ROBO2: variants seen among roughly 807,000 people sequenced by gnomAD.
ROBO2 encodes roundabout guidance receptor 2.
ROBO2 carries 53 observed loss-of-function variants against 160.8 expected under a neutral mutation model. The ratio of observed to expected loss-of-function variants is 0.33; its 90% CI spans 0.26 to 0.41. ROBO2 has a LOEUF of 0.41. ROBO2 is among the 10% of genes least tolerant of loss of function. The probability of loss-of-function intolerance (pLI) is 1.00; values close to 1 mark genes in which losing one functional copy is unlikely to be tolerated. For synonymous variants in ROBO2, 664 were observed against 611.7 expected (o/e 1.09, Z -1.26); for missense variants, 1,577 against 1,722.4 (o/e 0.92, Z 1.49).
intron 2 of ROBO2, among the ~76,000 whole-genome samples, chr3:76,829,552 C>A (rs1377804796): frequency 1.3e-5 from 2 of 151,804 alleles, no homozygotes; most frequent in African/African-American, 4.9e-5. Context: ...CCTTCCTTAT[C>A]TAATTCCATT....
At chr3:77,621,185 G>A (rs1346372902) in intron 22 of ROBO2, among the ~76,000 whole-genome samples, 1 of 152,110 alleles carries the variant, frequency 6.6e-6, no homozygotes, top group African/African-American at 2.4e-5. Context: ...CAGCACTTTG[G>A]GTTGCTGAGG....
intron 6 of ROBO2, among the ~76,000 whole-genome samples, chr3:77,539,788 G>A (rs2092370918): frequency 6.6e-6 from 1 of 152,174 alleles, no homozygotes; most frequent in Non-Finnish European, 1.5e-5. Flanking sequence ...GGGAAAAATA[G>A]AGAAGGCAAT....
chr3:76,688,722 A>T (rs1447771433), intron 2 of ROBO2, among the ~76,000 whole-genome samples: 2 of 151,884 alleles, frequency 1.3e-5, no homozygotes, highest in Non-Finnish European at 2.9e-5. Context: ...CCTGTGAATG[A>T]GCTGTTTCAC....
chr3:77,399,067 A>AAAAG (rs1465793719), intron 2 of ROBO2, among the ~76,000 whole-genome samples: 19 of 152,274 alleles, frequency 1.2e-4, no homozygotes, highest in African/African-American at 4.1e-4. Flanking sequence ...AATTCCTTTG[A>AAAAG]AAAGATAAAT....
intron 2 of ROBO2, among the ~76,000 whole-genome samples, chr3:76,554,477 C>A (rs192634658): frequency 6.6e-6 from 1 of 152,282 alleles, no homozygotes; most frequent in East Asian, 1.9e-4. Flanking sequence ...TATTTCCTAA[C>A]ATATGCTTTT....
intron 2 of ROBO2, among the ~76,000 whole-genome samples, chr3:76,097,637 G>A (rs2069508400): frequency 6.6e-6 from 1 of 152,086 alleles, no homozygotes; most frequent in Admixed American, 6.5e-5. Context: ...AAAATTAACA[G>A]GGTAATCAGG....
chr3:76,922,858 T>C (rs1276157314), intron 2 of ROBO2, among the ~76,000 whole-genome samples: 2 of 152,330 alleles, frequency 1.3e-5, no homozygotes, highest in Non-Finnish European at 2.9e-5. Context: ...TATTGTTCAA[T>C]ACTGTGTATA....
At chr3:76,880,501 G>A (rs2073225856) in intron 2 of ROBO2, among the ~76,000 whole-genome samples, 1 of 152,116 alleles carries the variant, frequency 6.6e-6, no homozygotes, top group Non-Finnish European at 1.5e-5. Context: ...GAAGACCAAA[G>A]TGGTTTCAAA....
chr3:76,553,018 T>C (rs1199766061), intron 2 of ROBO2, among the ~76,000 whole-genome samples: 5 of 152,120 alleles, frequency 3.3e-5, no homozygotes, highest in Non-Finnish European at 2.9e-5. Context: ...GGTGAATGGA[T>C]GGGTAAGCAA....
chr3:76,135,969 A>AT (rs33977973), intron 2 of ROBO2, among the ~76,000 whole-genome samples: 63 of 151,668 alleles, frequency 4.2e-4, no homozygotes, highest in Non-Finnish European at 8.8e-5. Context: ...TACCAAAAAA[A>AT]ATCTGTAACA....
intron 2 of ROBO2, among the ~76,000 whole-genome samples, chr3:76,763,847 C>A (rs112352812): frequency 9.7e-4 from 147 of 151,844 alleles, no homozygotes; most frequent in African/African-American, 3.4e-3. Flanking sequence ...AATAGCAAGG[C>A]TCTATTGCAT....
chr3:77,108,814 G>A (rs1037799702), intron 2 of ROBO2, among the ~76,000 whole-genome samples: 2 of 152,194 alleles, frequency 1.3e-5, no homozygotes, highest in Non-Finnish European at 2.9e-5. Context: ...GGGAGTAGAT[G>A]TAGGGTAGTA....
chr3:76,540,777 TTTTGA>T (rs1340048237), intron 2 of ROBO2, among the ~76,000 whole-genome samples: 2 of 152,082 alleles, frequency 1.3e-5, no homozygotes, highest in East Asian at 1.9e-4. Context: ...TTAATTTGAC[TTTTGA>T]TTTAATTATT....
At chr3:77,291,726 A>T (rs570312202) in intron 2 of ROBO2, among the ~76,000 whole-genome samples, 1 of 146,802 alleles carries the variant, frequency 6.8e-6, no homozygotes, top group South Asian at 2.2e-4. Flanking sequence ...TAAAATTGAC[A>T]GTTAAACGGG....
At chr3:75,969,224 C>A (rs571210745) in intron 2 of ROBO2, among the ~76,000 whole-genome samples, 27 of 150,228 alleles carry the variant, frequency 1.8e-4, no homozygotes, top group Admixed American at 6.7e-4. Context: ...GTTTCTTTAT[C>A]CAATTGTTTT....
chr3:76,219,448 G>C (rs1285290031), intron 2 of ROBO2, among the ~76,000 whole-genome samples: 1 of 152,118 alleles, frequency 6.6e-6, no homozygotes. Flanking sequence ...CTAATATCCA[G>C]AATCTACAAT....
chr3:76,198,524 C>T (rs1192309942), intron 2 of ROBO2, among the ~76,000 whole-genome samples: 2 of 152,156 alleles, frequency 1.3e-5, no homozygotes, highest in Non-Finnish European at 2.9e-5. Flanking sequence ...TGAAATGGCT[C>T]TGCAAAGGGG....
chr3:76,960,455 A>G (rs1170679060), intron 2 of ROBO2, among the ~76,000 whole-genome samples: 2 of 152,126 alleles, frequency 1.3e-5, no homozygotes, highest in Non-Finnish European at 2.9e-5. Flanking sequence ...GTATCTATAT[A>G]TATATAGCAT....
intron 2 of ROBO2, among the ~76,000 whole-genome samples, chr3:76,926,320 A>G (rs753043708): frequency 5.9e-5 from 9 of 152,232 alleles, no homozygotes; most frequent in Non-Finnish European, 1.3e-4. Context: ...TGGTTTACAA[A>G]GAATCAGAGA....
Sources: gnomAD v4.1 joint callset for allele counts (sites outside exome capture counted in the v4.1 genomes callset) on GRCh38, gnomAD v4.1.1 for gene constraint, MANE v1.5 for transcripts, NCBI Gene and HGNC (gene_info 2026-07-23, HGNC 2026-07-21) for gene names.